CHN2: variants seen among roughly 807,000 people sequenced by gnomAD.
The protein encoded by CHN2 is beta-chimaerin.
Under a neutral mutation model 56.3 loss-of-function variants are expected in CHN2, and 35 were observed. The ratio of observed to expected loss-of-function variants is 0.62; its 90% CI spans 0.47 to 0.82. The LOEUF (loss-of-function observed/expected upper bound fraction) is 0.82. CHN2 is among the 40% of genes least tolerant of loss of function. The pLI is 0.00. For synonymous variants in CHN2, 210 were observed against 212.8 expected (o/e 0.99, Z 0.12); for missense variants, 491 against 580.5 (o/e 0.85, Z 1.58).
chr7:29,219,335 A>G (rs943253372), intron 1 of CHN2, among the ~76,000 whole-genome samples: 2 of 152,234 alleles, frequency 1.3e-5, no homozygotes, highest in Non-Finnish European at 2.9e-5. Context: ...CATTAAAATA[A>G]TAATATAAGA....
chr7:29,274,562 C>T lies in CHN2; in HGVS notation c.49+79572C>T, dbSNP rs182820519. ...GACAGTGGCTGAGCGGTGGCATTAG[C>T]GAAATAAGCATGAATGGAAAGCAGT... is the stretch of plus-strand genomic sequence containing the variant. On this transcript the variant is annotated intron_variant, in intron 1 of 12. Coordinates refer to ENST00000222792, the MANE Select transcript of CHN2 (RefSeq NM_004067.4). Among the ~76,000 whole-genome samples, 310 of 152,160 alleles carry T rather than the reference C, an allele frequency of 2.0e-3. 1 individual carries two copies. Among genetic ancestry groups the T allele is most frequent in the Middle Eastern group, 3.4e-3 (1 of 294 alleles).
At chr7:29,416,593 T>C (rs1231173112) in intron 6 of CHN2, among the ~76,000 whole-genome samples, 2 of 152,164 alleles carry the variant, frequency 1.3e-5, no homozygotes, top group Non-Finnish European at 2.9e-5. Context: ...ACAGTAGGTG[T>C]GACCAGCGGC....
At chr7:29,358,025 C>T (rs930658407) in intron 2 of CHN2, among the ~76,000 whole-genome samples, 8 of 152,128 alleles carry the variant, frequency 5.3e-5, no homozygotes, top group Non-Finnish European at 5.9e-5. Context: ...TAGCAATTTT[C>T]GGTACTATCA....
intron 2 of CHN2, among the ~76,000 whole-genome samples, chr7:29,182,963 C>T (rs1027381064): frequency 1.3e-5 from 2 of 152,040 alleles, no homozygotes; most frequent in African/African-American, 4.8e-5. Context: ...AATTCTATTA[C>T]AGGAAAGATT....
Position 29,418,350 on chromosome 7 carries a change from G to C in CHN2, c.576+17522G>C, listed in dbSNP as rs77587924. Among the ~76,000 whole-genome samples, 1,093 of 152,322 alleles carry C rather than the reference G, an allele frequency of 7.2e-3. 16 individuals carry two copies. Among genetic ancestry groups the C allele is most frequent in the African/African-American group, 0.025 (1,020 of 41,574 alleles). ...GGGGAGGAGGCATGATGCCAAACAT[G>C]GAGTCCTTGGCATTTTCAGAAAAGT... On this transcript the variant is annotated intron_variant, in intron 6 of 12. Coordinates refer to ENST00000222792, the MANE Select transcript of CHN2 (RefSeq NM_004067.4).
intron 1 of CHN2, among the ~76,000 whole-genome samples, chr7:29,288,699 G>A (rs1792348625): frequency 6.6e-6 from 1 of 152,290 alleles, no homozygotes; most frequent in Non-Finnish European, 1.5e-5. Context: ...AAAACAAATA[G>A]TAAACTAGAG....
intron 1 of CHN2, among the ~76,000 whole-genome samples, chr7:29,328,471 T>C (rs1185545731): frequency 6.6e-6 from 1 of 152,166 alleles, no homozygotes; most frequent in Non-Finnish European, 1.5e-5. Flanking sequence ...TGTGGATAGA[T>C]AATCAGAGAA....
chr7:29,329,116 A>T (rs909354230), intron 1 of CHN2, among the ~76,000 whole-genome samples: 1 of 152,134 alleles, frequency 6.6e-6, no homozygotes, highest in African/African-American at 2.4e-5. Flanking sequence ...AATTCCAAGT[A>T]AGTCAAAATG....
At chr7:29,156,235 C>T (rs185080333) in intron 2 of CHN2, among the ~76,000 whole-genome samples, 1 of 152,192 alleles carries the variant, frequency 6.6e-6, no homozygotes, top group Non-Finnish European at 1.5e-5. Context: ...TGTGGCCTGT[C>T]GCCTTCCTTG....
chr7:29,405,356 G>A (rs1198909529), intron 6 of CHN2, among the ~76,000 whole-genome samples: 2 of 152,142 alleles, frequency 1.3e-5, no homozygotes, highest in Non-Finnish European at 2.9e-5. Flanking sequence ...GTTGGAGCTG[G>A]GAGAGCGTAA....
chr7:29,258,559 C>T (rs1188499706), intron 1 of CHN2, among the ~76,000 whole-genome samples: 1 of 152,166 alleles, frequency 6.6e-6, no homozygotes, highest in Non-Finnish European at 1.5e-5. Flanking sequence ...GAATGTCTAG[C>T]TCCTCCAAAG....
intron 6 of CHN2, 98 bp downstream of exon 6, chr7:29,400,926 A>G: frequency 1.7e-6 from 2 of 1,150,874 alleles, no homozygotes; most frequent in South Asian, 3.1e-5. Context: ...GTTGGAGGAG[A>G]CCCACCCCCA....
chr7:29,368,124 C>A, intron 3 of CHN2, 137 bp downstream of exon 3: 2 of 536,828 alleles, frequency 3.7e-6, no homozygotes, highest in Non-Finnish European at 6.0e-6. Flanking sequence ...AATTTAACAT[C>A]TTCATAATCT....
chr7:29,509,582 C>T (rs1367430764), intron 12 of CHN2, 176 bp downstream of exon 12: 4 of 502,288 alleles, frequency 8.0e-6, no homozygotes, highest in East Asian at 7.3e-5. Context: ...TGATGGCTCA[C>T]GCCTGTAATC....
chr7:29,238,373 AT>A (rs974913616), intron 1 of CHN2, among the ~76,000 whole-genome samples: 36 of 152,240 alleles, frequency 2.4e-4, no homozygotes, highest in Admixed American at 1.7e-3. Context: ...TTATCCCCTA[AT>A]TTCATGTCAT....
chr7:29,232,505 G>C (rs988448614), intron 1 of CHN2, among the ~76,000 whole-genome samples: 1 of 152,134 alleles, frequency 6.6e-6, no homozygotes, highest in African/African-American at 2.4e-5. Context: ...CTTTCCTGTA[G>C]AGTTATATTC....
chr7:29,382,317 C>G (rs1427027795), intron 3 of CHN2, among the ~76,000 whole-genome samples: 1 of 152,252 alleles, frequency 6.6e-6, no homozygotes, highest in South Asian at 2.1e-4. Flanking sequence ...TGAGGGACTT[C>G]GATTAGCAGA....
intron 1 of CHN2, among the ~76,000 whole-genome samples, chr7:29,220,143 A>T (rs983270909): frequency 6.6e-6 from 1 of 151,992 alleles, no homozygotes; most frequent in Non-Finnish European, 1.5e-5. Flanking sequence ...CAACTCCAGA[A>T]TCTAGAAAAT....
intron 1 of CHN2, among the ~76,000 whole-genome samples, chr7:29,242,044 A>C (rs1484370134): frequency 6.6e-6 from 1 of 152,182 alleles, no homozygotes; most frequent in African/African-American, 2.4e-5. Context: ...GCATTGTCCC[A>C]AGGGCTCTAT....
Sources: allele counts gnomAD v4.1 joint callset (sites outside exome capture counted in the v4.1 genomes callset), GRCh38; gene constraint gnomAD v4.1.1; transcripts MANE v1.5; gene names NCBI Gene and HGNC (gene_info 2026-07-23, HGNC 2026-07-21).